The following ENTHD1 variants were observed in gnomAD, a reference collection of about 807,000 sequenced individuals.
ENTHD1 encodes the protein ENTH domain containing 1, also known as ENTH domain-containing protein 1.
In ENTHD1, 23 loss-of-function variants were observed where a neutral mutation model predicts 39.1. That is an observed-to-expected ratio of 0.59 (90% CI 0.42 to 0.83). The LOEUF is 0.83. Among genes scored for constraint, ENTHD1 ranks in the 40% least tolerant of loss-of-function variants. ENTHD1 has a pLI of 0.00. For missense variants in ENTHD1, 624 were observed against 705.4 expected (o/e 0.88, Z 1.31); for synonymous variants, 230 against 258.2 (o/e 0.89, Z 1.05).
intron 5 of ENTHD1, among the ~76,000 whole-genome samples, chr22:39,776,530 C>T (rs1035580904): frequency 6.6e-6 from 1 of 152,142 alleles, no homozygotes; most frequent in Non-Finnish European, 1.5e-5. Context: ...TTGACTGATG[C>T]AAAATGGGAC....
intron 6 of ENTHD1, among the ~76,000 whole-genome samples, chr22:39,762,412 T>C (rs2146550921): frequency 6.6e-6 from 1 of 151,920 alleles, no homozygotes; most frequent in East Asian, 1.9e-4. Flanking sequence ...ACAATTTTCA[T>C]TTGATTTTTT....
chr22:39,858,572 T>C (rs1209134299), intron 3 of ENTHD1, among the ~76,000 whole-genome samples: 1 of 152,214 alleles, frequency 6.6e-6, no homozygotes, highest in Non-Finnish European at 1.5e-5. Context: ...GGAATCACTA[T>C]CTATGGAAGA....
intron 5 of ENTHD1, among the ~76,000 whole-genome samples, chr22:39,793,304 CAT>C (rs1034416104): frequency 2.0e-5 from 3 of 146,980 alleles, no homozygotes; most frequent in African/African-American, 4.9e-5. Context: ...AATGTCTAAT[CAT>C]GTCCCTTGCT....
intron 5 of ENTHD1, among the ~76,000 whole-genome samples, chr22:39,789,279 G>A (rs111368355): frequency 6.6e-6 from 1 of 151,908 alleles, no homozygotes; most frequent in East Asian, 1.9e-4. Flanking sequence ...AAATACATAG[G>A]CCCTTTTCAT....
At chr22:39,860,705 T>G (rs1342501607) in intron 3 of ENTHD1, among the ~76,000 whole-genome samples, 1 of 152,264 alleles carries the variant, frequency 6.6e-6, no homozygotes, top group Non-Finnish European at 1.5e-5. Flanking sequence ...ATTATCTATT[T>G]GTACTGAATA....
chr22:39,873,123 T>G (rs911942014), intron 2 of ENTHD1, among the ~76,000 whole-genome samples: 4 of 152,150 alleles, frequency 2.6e-5, no homozygotes, highest in African/African-American at 7.2e-5. Flanking sequence ...AACATAACTT[T>G]TAATAACAAC....
At chr22:39,875,308 C>T in intron 2 of ENTHD1, 1 of 1,270,540 alleles carries the variant, frequency 7.9e-7, no homozygotes, top group Non-Finnish European at 9.9e-7. Flanking sequence ...CGGTCGCAGC[C>T]CGCTCGGGCC....
rs1491032692 is a variant in ENTHD1, at chr22:39,842,763, G to GA, written c.593-6806dup. Among the ~76,000 whole-genome samples, 653 of 148,548 alleles carry GA rather than the reference G, an allele frequency of 4.4e-3. 4 individuals carry two copies. The highest frequency in any genetic ancestry group is 0.011 in the African/African-American group (426 of 39,938). ...ACAATGAACTCAAACAAATTTACAA[G>GA]AAAAAAACAAACAACCCCATCAAAA... is the stretch of plus-strand genomic sequence containing the variant. On this transcript the variant is annotated intron_variant, in intron 3 of 6. Transcript: ENST00000325157.
chr22:39,833,941 C>CAAAAAAA (rs59299623), intron 4 of ENTHD1, among the ~76,000 whole-genome samples: 1 of 117,924 alleles, frequency 8.5e-6, no homozygotes, highest in African/African-American at 3.7e-5. Context: ...TATACTTGGG[C>CAAAAAAA]AAAAAAAAAA....
intron 5 of ENTHD1, among the ~76,000 whole-genome samples, chr22:39,786,512 G>A (rs1326280128): frequency 6.6e-6 from 1 of 152,158 alleles, no homozygotes; most frequent in Non-Finnish European, 1.5e-5. Context: ...TAGATATGAT[G>A]TTAGACCTCA....
intron 3 of ENTHD1, among the ~76,000 whole-genome samples, chr22:39,854,324 G>T (rs1358657142): frequency 6.6e-6 from 1 of 152,160 alleles, no homozygotes; most frequent in Non-Finnish European, 1.5e-5. Context: ...ATAGTTTTCA[G>T]GGAAATTTTT....
chr22:39,806,071 C>A (rs1037061370), intron 5 of ENTHD1, among the ~76,000 whole-genome samples: 1 of 152,184 alleles, frequency 6.6e-6, no homozygotes. Context: ...TCAGTGAATA[C>A]CCCAACATCT....
At position 39,743,732 on chromosome 22, in the gene ENTHD1, T is replaced by C. The variant is rs2065078326; in HGVS notation, c.1771A>G (p.Ser591Gly). ...MSMSLNSSQI[S>G]QSSQVPQSSE... ...GACTGGGGGACCTGGGAAGACTGGC[T>C]TATTTGTGAACTATTCAGACTCATG... Residue 591 changes from serine to glycine, a missense_variant, in exon 7 of 7, where the codon AGC becomes GGC. By Grantham distance (56) the Ser-to-Gly change is moderately conservative. Transcript: ENST00000325157. 4 of 1,613,924 alleles carry C rather than the reference T, an allele frequency of 2.5e-6. No homozygotes were observed. Among genetic ancestry groups the C allele is most frequent in the Admixed American group, 1.7e-5 (1 of 60,006 alleles).
intron 3 of ENTHD1, among the ~76,000 whole-genome samples, chr22:39,853,998 G>A (rs1193755633): frequency 6.6e-6 from 1 of 152,184 alleles, no homozygotes; most frequent in East Asian, 1.9e-4. Flanking sequence ...GCCCATCCTG[G>A]AAGCTCAGGG....
intron 3 of ENTHD1, among the ~76,000 whole-genome samples, chr22:39,839,487 G>C (rs1489020099): frequency 1.3e-5 from 2 of 152,168 alleles, no homozygotes; most frequent in Non-Finnish European, 2.9e-5. Flanking sequence ...CGAGCAGAAG[G>C]ACCTACGTGG....
intron 3 of ENTHD1, among the ~76,000 whole-genome samples, chr22:39,856,957 G>T (rs887566187): frequency 6.6e-6 from 1 of 151,992 alleles, no homozygotes; most frequent in African/African-American, 2.4e-5. Flanking sequence ...TTACTTAACA[G>T]GCTTAGAACA....
intron 5 of ENTHD1, among the ~76,000 whole-genome samples, chr22:39,777,516 A>G (rs541198373): frequency 1.3e-5 from 2 of 152,202 alleles, no homozygotes; most frequent in Non-Finnish European, 2.9e-5. Context: ...TTTAAAACAC[A>G]GTGATGAAAT....
intron 3 of ENTHD1, among the ~76,000 whole-genome samples, chr22:39,853,342 C>G (rs1338631958): frequency 6.6e-6 from 1 of 151,872 alleles, no homozygotes. Flanking sequence ...ACCAGCCTGG[C>G]CAATATGGTG....
At chr22:39,767,196 C>T (rs1378188453) in intron 5 of ENTHD1, among the ~76,000 whole-genome samples, 3 of 152,108 alleles carry the variant, frequency 2.0e-5, no homozygotes, top group East Asian at 1.9e-4. Context: ...GAAAAAGTAA[C>T]GCCTTCATTT....
Sources: gnomAD v4.1 joint callset for allele counts (sites outside exome capture counted in the v4.1 genomes callset) on GRCh38, gnomAD v4.1.1 for gene constraint, MANE v1.5 for transcripts, NCBI Gene and HGNC (gene_info 2026-07-23, HGNC 2026-07-21) for gene names.